Variants in EDIL3 observed in about 807,000 individuals in gnomAD.
EDIL3 encodes EGF-like repeat and discoidin I-like domain-containing protein 3.
EDIL3 carries 37 observed loss-of-function variants against 67.4 expected under a neutral mutation model. That is an observed-to-expected ratio of 0.55 (90% CI 0.42 to 0.72). The LOEUF is 0.72. Ranked by LOEUF, EDIL3 falls within the 30% of genes least tolerant of loss-of-function variation. EDIL3 has a pLI of 0.00. For missense variants in EDIL3, 527 were observed against 586.3 expected (o/e 0.90, Z 1.04); for synonymous variants, 195 against 196.3 (o/e 0.99, Z 0.05).
intron 10 of EDIL3, among the ~76,000 whole-genome samples, chr5:83,950,229 G>C (rs942959570): frequency 7.9e-5 from 12 of 151,822 alleles, no homozygotes; most frequent in African/African-American, 2.7e-4. Flanking sequence ...AACGATAACT[G>C]TATGATAATT....
chr5:84,119,754 A>G (rs185989082), intron 5 of EDIL3, among the ~76,000 whole-genome samples: 1 of 152,128 alleles, frequency 6.6e-6, no homozygotes, highest in Admixed American at 6.5e-5. Context: ...AATGGAGATA[A>G]AGTTTTACCT....
chr5:84,072,370 A>T (rs1746755249), intron 6 of EDIL3, among the ~76,000 whole-genome samples: 1 of 151,866 alleles, frequency 6.6e-6, no homozygotes, highest in Non-Finnish European at 1.5e-5. Context: ...AAAGATAATC[A>T]TATTCATAAA....
chr5:84,211,678 C>A (rs1196542376), intron 3 of EDIL3, among the ~76,000 whole-genome samples: 1 of 152,180 alleles, frequency 6.6e-6, no homozygotes, highest in South Asian at 2.1e-4. Flanking sequence ...CCACAGCCAA[C>A]ACAAACTGAA....
chr5:84,106,933 C>T, intron 5 of EDIL3, 103 bp from the exon 6 acceptor site: 17 of 1,246,180 alleles, frequency 1.4e-5, no homozygotes, highest in Non-Finnish European at 1.8e-5. Flanking sequence ...TTTGAATTTG[C>T]ACCACCATGC....
intron 1 of EDIL3, among the ~76,000 whole-genome samples, chr5:84,277,891 G>C (rs1745612769): frequency 6.6e-6 from 1 of 151,938 alleles, no homozygotes; most frequent in Non-Finnish European, 1.5e-5. Flanking sequence ...AATTATGAAG[G>C]TCCTTTTACC....
At chr5:84,071,484 G>C (rs538430381) in intron 6 of EDIL3, among the ~76,000 whole-genome samples, 1 of 152,224 alleles carries the variant, frequency 6.6e-6, no homozygotes, top group African/African-American at 2.4e-5. Flanking sequence ...CATAAGACAG[G>C]AACAAGCATA....
chr5:84,197,889 T>C (rs1743745424), intron 3 of EDIL3, among the ~76,000 whole-genome samples: 1 of 151,996 alleles, frequency 6.6e-6, no homozygotes, highest in African/African-American at 2.4e-5. Flanking sequence ...AAGAAATGGC[T>C]ATTGAATACA....
At chr5:84,287,049 T>C (rs566790288) in intron 1 of EDIL3, among the ~76,000 whole-genome samples, 1 of 152,242 alleles carries the variant, frequency 6.6e-6, no homozygotes, top group Non-Finnish European at 1.5e-5. Context: ...AACCAGAAAA[T>C]AACACTGGCA....
At chr5:84,311,986 G>C (rs1434755000) in intron 1 of EDIL3, among the ~76,000 whole-genome samples, 1 of 152,152 alleles carries the variant, frequency 6.6e-6, no homozygotes, top group Non-Finnish European at 1.5e-5. Context: ...GCAACCATCC[G>C]ATTTCTCAAT....
chr5:84,370,328 C>G (rs1429699074), intron 1 of EDIL3, among the ~76,000 whole-genome samples: 1 of 152,182 alleles, frequency 6.6e-6, no homozygotes, highest in Non-Finnish European at 1.5e-5. Context: ...TCGGCAGACA[C>G]AGTTCCCAGG....
At chr5:83,966,315 G>A (rs146682234) in intron 9 of EDIL3, among the ~76,000 whole-genome samples, 3 of 152,160 alleles carry the variant, frequency 2.0e-5, no homozygotes, top group African/African-American at 4.8e-5. Context: ...CTCAACAAAC[G>A]TTTTGCTGAA....
chr5:84,305,206 C>T (rs1295028654), intron 1 of EDIL3, among the ~76,000 whole-genome samples: 15 of 152,184 alleles, frequency 9.9e-5, no homozygotes, highest in Admixed American at 9.8e-4. Flanking sequence ...TGTGATAGAA[C>T]AGGTACATTT....
At chr5:84,193,760 G>A (rs1278137191) in intron 3 of EDIL3, among the ~76,000 whole-genome samples, 2 of 151,884 alleles carry the variant, frequency 1.3e-5, no homozygotes, top group Non-Finnish European at 2.9e-5. Flanking sequence ...TGTACACATT[G>A]CATCATTTGG....
At chr5:84,286,043 A>G (rs1438362008) in intron 1 of EDIL3, among the ~76,000 whole-genome samples, 2 of 152,154 alleles carry the variant, frequency 1.3e-5, no homozygotes, top group African/African-American at 4.8e-5. Flanking sequence ...TTCACCCAAG[A>G]TGAAACTCTT....
chr5:84,057,391 CT>C (rs1746466690), intron 9 of EDIL3, among the ~76,000 whole-genome samples: 1 of 133,084 alleles, frequency 7.5e-6, no homozygotes, highest in African/African-American at 2.9e-5. Context: ...TCCTGAGCTA[CT>C]TATGGGGTGT....
At position 84,148,456 on chromosome 5, in the gene EDIL3, G is replaced by A. The variant is rs1312045121; in HGVS notation, c.356-11102C>T. ...TCTTAATATACTTCTTTCCAAAATG[G>A]TGACATTTACTATTTTTTAAACTAA... On this transcript the variant is annotated intron_variant, in intron 4 of 10. Coordinates refer to ENST00000296591, the MANE Select transcript of EDIL3 (RefSeq NM_005711.5). 2.0e-5 allele frequency among the ~76,000 whole-genome samples: 3 copies of A among 152,144 alleles called. No individual in the cohort carries two copies. The South Asian group carries it at 6.2e-4, about 31-fold the overall frequency.
chr5:84,048,281 A>T (rs1283460462), intron 9 of EDIL3: 1 of 441,272 alleles, frequency 2.3e-6, no homozygotes, highest in Admixed American at 2.5e-5. Context: ...TCCTGTAAAT[A>T]AATTGTTCAG....
At chr5:84,171,911 A>G (rs1395123426) in intron 4 of EDIL3, among the ~76,000 whole-genome samples, 6 of 152,176 alleles carry the variant, frequency 3.9e-5, no homozygotes, top group African/African-American at 1.2e-4. Flanking sequence ...TGTGTAGCCA[A>G]GATTGAAAAC....
intron 2 of EDIL3, among the ~76,000 whole-genome samples, chr5:84,252,170 T>C (rs986580335): frequency 2.0e-5 from 3 of 152,130 alleles, no homozygotes; most frequent in Admixed American, 6.5e-5. Flanking sequence ...TTTAAAAGTA[T>C]AGCCCAAAAG....
Sources: gnomAD v4.1 joint callset for allele counts (sites outside exome capture counted in the v4.1 genomes callset) on GRCh38, gnomAD v4.1.1 for gene constraint, MANE v1.5 for transcripts, NCBI Gene and HGNC (gene_info 2026-07-23, HGNC 2026-07-21) for gene names.